Variants in CACNA1C observed in about 807,000 individuals in gnomAD.
CACNA1C encodes the protein voltage-dependent L-type calcium channel subunit alpha-1C.
A neutral mutation model predicts 229.0 loss-of-function variants in CACNA1C; 30 were observed. The ratio of observed to expected loss-of-function variants is 0.13; its 90% confidence interval spans 0.10 to 0.18. The LOEUF (loss-of-function observed/expected upper bound fraction) is 0.18. Ranked by LOEUF, CACNA1C falls within the 10% of genes least tolerant of loss-of-function variation. The probability of loss-of-function intolerance (pLI) is 1.00; values close to 1 mark genes in which losing one functional copy is unlikely to be tolerated. For missense variants in CACNA1C, 1,658 were observed against 2,845.0 expected, an observed-to-expected ratio of 0.58 and a Z score of 9.49; for synonymous variants, 1,114 against 1,132.5, an observed-to-expected ratio of 0.98 and a Z score of 0.33.
intron 3 of CACNA1C, among the ~76,000 whole-genome samples, chr12:2,189,584 G>A (rs551054884): frequency 1.4e-4 from 21 of 152,272 alleles, no homozygotes; most frequent in Middle Eastern, 3.4e-3. Context: ...AGCTTCCAAA[G>A]GGCAGCTTCC....
At chr12:2,574,258 TG>T (rs2057517219) in intron 13 of CACNA1C, among the ~76,000 whole-genome samples, 1 of 152,194 alleles carries the variant, frequency 6.6e-6, no homozygotes, top group Admixed American at 6.5e-5. Context: ...CATGATGGAT[TG>T]GGTTCTTCCA....
intron 1 of CACNA1C, among the ~76,000 whole-genome samples, chr12:2,040,635 C>G (rs1405441202): frequency 6.6e-6 from 1 of 152,134 alleles, no homozygotes; most frequent in African/African-American, 2.4e-5. Context: ...CAACTAGTCT[C>G]TTTTTCCAAA....
At chr12:2,040,933 G>A (rs1044552326) in intron 1 of CACNA1C, among the ~76,000 whole-genome samples, 1 of 152,182 alleles carries the variant, frequency 6.6e-6, no homozygotes, top group Non-Finnish European at 1.5e-5. Flanking sequence ...ACAGCCAAGT[G>A]GTAATAGATA....
chr12:2,301,687 C>A (rs548032335), intron 3 of CACNA1C, among the ~76,000 whole-genome samples: 9 of 152,252 alleles, frequency 5.9e-5, no homozygotes, highest in African/African-American at 1.9e-4. Flanking sequence ...GACCTGTGAC[C>A]CAGCCTGATC....
intron 3 of CACNA1C, among the ~76,000 whole-genome samples, chr12:2,446,665 A>T (rs541535099): frequency 4.7e-5 from 7 of 148,250 alleles, no homozygotes; most frequent in Non-Finnish European, 7.4e-5. Context: ...TGATGGGTAG[A>T]AAGATAGATG....
At chr12:2,369,785 C>T (rs929930970) in intron 3 of CACNA1C, among the ~76,000 whole-genome samples, 2 of 152,110 alleles carry the variant, frequency 1.3e-5, no homozygotes, top group Non-Finnish European at 2.9e-5. Context: ...AACCATAAGA[C>T]TTGGGGGAAA....
intron 44 of CACNA1C, 40 bp from the exon 45 acceptor site, chr12:2,686,125 GT>G: frequency 6.5e-7 from 1 of 1,529,424 alleles, no homozygotes; most frequent in East Asian, 2.2e-5. Context: ...CCAGTGCCCT[GT>G]TTTCCTGCCC....
At chr12:2,177,660 T>C (rs1247699790) in intron 3 of CACNA1C, among the ~76,000 whole-genome samples, 2 of 131,282 alleles carry the variant, frequency 1.5e-5, no homozygotes, top group Non-Finnish European at 3.5e-5. Flanking sequence ...TTCTTTTTCT[T>C]TCTTCTCGCT....
chr12:2,161,831 C>A (rs1566063734), intron 3 of CACNA1C, among the ~76,000 whole-genome samples: 1 of 152,182 alleles, frequency 6.6e-6, no homozygotes, highest in African/African-American at 2.4e-5. Flanking sequence ...GCTGGTGCCT[C>A]AGGGGGCAGA....
chr12:2,683,199 C>A (rs1476099643), intron 43 of CACNA1C, among the ~76,000 whole-genome samples: 1 of 152,146 alleles, frequency 6.6e-6, no homozygotes, highest in Non-Finnish European at 1.5e-5. Context: ...GTGGTGACAT[C>A]CATTTGGTCA....
In CACNA1C at chr12:2,597,571, CTT is replaced by C; in HGVS notation, c.2853+285_2853+286del. ...TGCTCTGTGTGGCTGGATCTTTTGT[CTT>C]TTCTGTTTCTTTCACTCTCTCTTTT... On this transcript the variant is annotated intron_variant, in intron 21 of 46. Coordinates refer to ENST00000399655, the MANE Select transcript of CACNA1C (RefSeq NM_000719.7). The surrounding 1 kb of genome is among the most constrained non-coding windows in gnomAD (Gnocchi z 4.3). 1.0e-6 allele frequency: 1 copy of C among 1,001,310 alleles called. No homozygotes were observed. Among genetic ancestry groups the C allele is most frequent in the South Asian group, 1.3e-5 (1 of 76,524 alleles). 62.0% of individuals were successfully genotyped at this position (1,001,310 alleles called of 1,614,324 possible).
rs1019503483 is a variant in CACNA1C, at chr12:2,512,651, C to T, written c.1218-161C>T. ...ACCTAACCTAGGCTGACTAGCGGAGCTGTCTGTGGAAAGTAGGGGCGTGTG... is the reference window on the plus strand; with the variant it reads ...ACCTAACCTAGGCTGACTAGCGGAGTTGTCTGTGGAAAGTAGGGGCGTGTG... On this transcript the variant is annotated intron_variant, in intron 8 of 46. Coordinates refer to ENST00000399655, the MANE Select transcript of CACNA1C (RefSeq NM_000719.7). The surrounding 1 kb of genome is among the most constrained non-coding windows in gnomAD (Gnocchi z 4.3). Among the ~76,000 whole-genome samples, 3 of 152,096 alleles carry T rather than the reference C, an allele frequency of 2.0e-5. No homozygotes were observed. The highest frequency in any genetic ancestry group is 4.4e-5 in the Non-Finnish European group (3 of 68,016).
intron 1 of CACNA1C, among the ~76,000 whole-genome samples, chr12:1,985,377 C>G (rs114533772): frequency 1.8e-3 from 281 of 152,280 alleles, no homozygotes; most frequent in African/African-American, 6.4e-3. Flanking sequence ...CTTCTTTCCA[C>G]TGTCATCTGC....
In CACNA1C at chr12:2,678,003, T is replaced by C. The variant is rs2096910220; in HGVS notation, c.5091+136T>C. The C allele has an allele frequency of 9.9e-6, 10 of 1,011,332 alleles. No individual in the cohort carries two copies. The highest frequency in any genetic ancestry group is 1.2e-5 in the Non-Finnish European group (8 of 681,146). 62.6% of individuals were successfully genotyped at this position (1,011,332 alleles called of 1,614,324 possible). A position where few individuals can be genotyped will look rare whatever the true frequency, so the allele number is the denominator to read the frequency against. The stretch of plus-strand genomic sequence containing the variant: ...AGGGCTACTTCCAGGCTCTTCCTGA[T>C]GAGCTGTCTCCTCACCCCTTTGCCT... On this transcript the variant is annotated intron_variant, in intron 41 of 46. Transcript: ENST00000399655. The surrounding 1 kb of genome is among the most constrained non-coding windows in gnomAD (Gnocchi z 4.1).
At chr12:2,338,139 C>T (rs1008568008) in intron 3 of CACNA1C, among the ~76,000 whole-genome samples, 8 of 152,146 alleles carry the variant, frequency 5.3e-5, no homozygotes, top group South Asian at 4.1e-4. Flanking sequence ...GAGCATGCCA[C>T]GCCAACTTTA....
At chr12:2,407,177 C>T (rs1428434094) in intron 3 of CACNA1C, among the ~76,000 whole-genome samples, 1 of 152,240 alleles carries the variant, frequency 6.6e-6, no homozygotes, top group Non-Finnish European at 1.5e-5. Context: ...CTCCCTTAGA[C>T]CTCCTCTGAC....
At chr12:2,451,924 T>C (rs1379407003) in intron 4 of CACNA1C, among the ~76,000 whole-genome samples, 1 of 152,222 alleles carries the variant, frequency 6.6e-6, no homozygotes, top group Non-Finnish European at 1.5e-5. Flanking sequence ...CTCTTCATCC[T>C]GTCTAAATCA....
At chr12:2,473,909 A>G (rs890600545) in intron 5 of CACNA1C, among the ~76,000 whole-genome samples, 25 of 152,236 alleles carry the variant, frequency 1.6e-4, no homozygotes, top group African/African-American at 5.5e-4. Flanking sequence ...TTCGAGTTAC[A>G]TAGAAAGATT....
intron 3 of CACNA1C, among the ~76,000 whole-genome samples, chr12:2,364,077 C>T (rs2097653532): frequency 6.6e-6 from 1 of 152,190 alleles, no homozygotes; most frequent in East Asian, 1.9e-4. Context: ...CATCAGTCAG[C>T]ATCCCAGCCC....
Sources: allele counts gnomAD v4.1 joint callset (sites outside exome capture counted in the v4.1 genomes callset), GRCh38; gene constraint gnomAD v4.1.1; non-coding constraint Gnocchi (gnomAD v3.1); transcripts MANE v1.5; gene names NCBI Gene and HGNC (gene_info 2026-07-23, HGNC 2026-07-21).